Variants in PPP2R2B observed in about 807,000 individuals in gnomAD.
The protein encoded by PPP2R2B is serine/threonine-protein phosphatase 2A 55 kDa regulatory subunit B beta isoform.
PPP2R2B carries 5 observed loss-of-function variants against 46.0 expected under a neutral mutation model. The observed-to-expected ratio is 0.11, with a 90% CI of 0.06 to 0.23. The LOEUF is 0.23. Among genes scored for constraint, PPP2R2B ranks in the 10% least tolerant of loss-of-function variants. PPP2R2B has a pLI of 1.00. For synonymous variants in PPP2R2B, 215 were observed against 206.7 expected (o/e 1.04, Z -0.34); for missense variants, 367 against 575.0 (o/e 0.64, Z 3.70).
chr5:147,023,532 G>T (rs569186526), intron 1 of PPP2R2B, among the ~76,000 whole-genome samples: 1 of 152,224 alleles, frequency 6.6e-6, no homozygotes, highest in East Asian at 1.9e-4. Flanking sequence ...TAAAAGGACA[G>T]AAAAAGACCT....
chr5:146,746,849 G>C (rs1377401759), intron 2 of PPP2R2B, among the ~76,000 whole-genome samples: 1 of 152,106 alleles, frequency 6.6e-6, no homozygotes, highest in African/African-American at 2.4e-5. Flanking sequence ...AGTGCTGTAG[G>C]GATATTTAAA....
At chr5:146,831,628 A>T (rs902302782) in intron 2 of PPP2R2B, among the ~76,000 whole-genome samples, 3 of 152,016 alleles carry the variant, frequency 2.0e-5, no homozygotes, top group Non-Finnish European at 4.4e-5. Context: ...TAAAAAATTT[A>T]AAAAAGCATC....
intron 6 of PPP2R2B, among the ~76,000 whole-genome samples, chr5:146,642,824 A>G (rs1775307188): frequency 6.6e-6 from 1 of 152,214 alleles, no homozygotes; most frequent in South Asian, 2.1e-4. Context: ...TGGGAGTCCA[A>G]GATGCGTGGA....
chr5:147,008,756 C>A (rs183019599), intron 1 of PPP2R2B, among the ~76,000 whole-genome samples: 13 of 152,284 alleles, frequency 8.5e-5, no homozygotes, highest in Non-Finnish European at 5.9e-5. Flanking sequence ...GTTTCTATTC[C>A]CACACATCAT....
chr5:147,024,691 A>C (rs1249729451), intron 1 of PPP2R2B, among the ~76,000 whole-genome samples: 1 of 152,164 alleles, frequency 6.6e-6, no homozygotes, highest in Non-Finnish European at 1.5e-5. Flanking sequence ...CCAACATTAA[A>C]AATTAAACAG....
At chr5:146,846,668 A>G (rs1760031263) in intron 2 of PPP2R2B, among the ~76,000 whole-genome samples, 2 of 145,102 alleles carry the variant, frequency 1.4e-5, no homozygotes, top group African/African-American at 5.3e-5. Context: ...ACAGAGAGAG[A>G]CTCTGTCTCA....
intron 7 of PPP2R2B, 67 bp from the exon 8 acceptor site, chr5:146,600,527 C>G: frequency 2.0e-6 from 3 of 1,514,908 alleles, no homozygotes; most frequent in Non-Finnish European, 2.7e-6. Flanking sequence ...CATGTTTGGA[C>G]TGGCTAGGAA....
intron 1 of PPP2R2B, among the ~76,000 whole-genome samples, chr5:146,890,969 G>A (rs1405877804): frequency 6.6e-6 from 1 of 152,134 alleles, no homozygotes; most frequent in Non-Finnish European, 1.5e-5. Context: ...GAAAAAGAGA[G>A]AGAGAGAAAA....
At chr5:146,882,041 GC>G (rs1409584746), upstream of PPP2R2B, among the ~76,000 whole-genome samples, 1 of 152,076 alleles carries the variant, frequency 6.6e-6, no homozygotes, top group Non-Finnish European at 1.5e-5. Context: ...ACTTTGGGAG[GC>G]TGAGTCAGGC....
chr5:146,620,175 G>A (rs1773553945), intron 7 of PPP2R2B, among the ~76,000 whole-genome samples: 1 of 152,148 alleles, frequency 6.6e-6, no homozygotes, highest in Non-Finnish European at 1.5e-5. Context: ...TTCTTACGAA[G>A]GAGACTCAGC....
At chr5:146,715,458 C>A (rs1162375528) in intron 2 of PPP2R2B, among the ~76,000 whole-genome samples, 2 of 152,134 alleles carry the variant, frequency 1.3e-5, no homozygotes, top group Non-Finnish European at 2.9e-5. Flanking sequence ...TACTGCAAGC[C>A]AGGCACGGCG....
intron 1 of PPP2R2B, among the ~76,000 whole-genome samples, chr5:146,965,362 T>C (rs1314309086): frequency 1.3e-5 from 2 of 152,226 alleles, no homozygotes; most frequent in Admixed American, 1.3e-4. Context: ...ATTTACTTGT[T>C]CAGAACGTTG....
intron 7 of PPP2R2B, among the ~76,000 whole-genome samples, chr5:146,604,575 G>A (rs762256234): frequency 6.6e-6 from 1 of 152,166 alleles, no homozygotes; most frequent in Admixed American, 6.5e-5. Flanking sequence ...GGTATGTCAG[G>A]TTCACCAACA....
intron 2 of PPP2R2B, among the ~76,000 whole-genome samples, chr5:147,075,087 CT>C (rs768912562): frequency 2.6e-5 from 4 of 152,120 alleles, no homozygotes; most frequent in Admixed American, 6.5e-5. Context: ...CCAGATAATT[CT>C]TTTTCCCTTG....
chr5:146,771,392 T>A (rs911997808), intron 2 of PPP2R2B, among the ~76,000 whole-genome samples: 7 of 152,176 alleles, frequency 4.6e-5, no homozygotes, highest in South Asian at 2.1e-4. Flanking sequence ...TAATTTTTTT[T>A]AAAAAGATCC....
At chr5:147,020,602 T>C (rs1755213409) in intron 1 of PPP2R2B, among the ~76,000 whole-genome samples, 1 of 152,052 alleles carries the variant, frequency 6.6e-6, no homozygotes, top group Non-Finnish European at 1.5e-5. Flanking sequence ...TGAAAATAAA[T>C]CAACAGTGCT....
In PPP2R2B at chr5:146,698,110, T is replaced by C. The variant is rs1448040272; in HGVS notation, c.203A>G (p.Asn68Ser). ...ATGGCTCTGGAATGTGCTGTAAACA[T>C]TGTATTCACCCCTACGATGAACCTG... ...KNQVHRRGEYNVYSTFQSHEP... is the reference protein window; with the variant it reads ...KNQVHRRGEYSVYSTFQSHEP... Residue 68 changes from asparagine to serine, a missense_variant, in exon 4 of 10, where the codon AAT (asparagine) becomes AGT (serine). Physicochemically the swap from Asn to Ser is conservative, Grantham distance 46. This residue lies in a region of PPP2R2B where 361 missense variants were observed against 545.5 expected (regional missense o/e 0.66). Coordinates refer to ENST00000394411, the MANE Select transcript of PPP2R2B (RefSeq NM_181675.4). 9 of 1,610,264 alleles carry C rather than the reference T, an allele frequency of 5.6e-6. No individual in the cohort carries two copies. The East Asian group carries it at 9.0e-5, about 16-fold the overall frequency.
intron 1 of PPP2R2B, among the ~76,000 whole-genome samples, chr5:147,050,322 T>C (rs556969617): frequency 6.6e-6 from 1 of 152,216 alleles, no homozygotes; most frequent in South Asian, 2.1e-4. Flanking sequence ...TGTGCATTTA[T>C]AAGATGAGAA....
intron 1 of PPP2R2B, among the ~76,000 whole-genome samples, chr5:147,009,862 C>T (rs1309855530): frequency 7.4e-6 from 1 of 135,828 alleles, no homozygotes; most frequent in Non-Finnish European, 1.5e-5. Context: ...TACACACACA[C>T]ATACACACAC....
Sources: allele counts gnomAD v4.1 joint callset (sites outside exome capture counted in the v4.1 genomes callset), GRCh38; gene constraint gnomAD v4.1.1; regional missense constraint gnomAD v4.1.1; transcripts MANE v1.5; gene names NCBI Gene and HGNC (gene_info 2026-07-23, HGNC 2026-07-21).